The following RBBP8 variants were observed in gnomAD, a reference collection of about 807,000 sequenced individuals.
RBBP8 encodes the protein RB binding protein 8, endonuclease.
In RBBP8, 88 loss-of-function variants were observed where a neutral mutation model predicts 108.3. The observed-to-expected ratio is 0.81, with a 90% confidence interval of 0.68 to 0.97. The LOEUF (loss-of-function observed/expected upper bound fraction) is 0.97, where lower values mean the gene tolerates loss of function less well. RBBP8 is among the 50% of genes least tolerant of loss of function. The pLI, the probability that RBBP8 is intolerant of heterozygous loss-of-function variation, is 0.00. For missense variants in RBBP8, 1,023 were observed against 1,049.0 expected (o/e 0.98, Z 0.34); for synonymous variants, 332 against 348.2 (o/e 0.95, Z 0.52).
rs1910615624 is a variant in RBBP8, at chr18:22,936,840, A to T, written c.-12A>T. 1 of 1,614,074 alleles carries T rather than the reference A, an allele frequency of 6.2e-7. No individual in the cohort carries two copies. The highest frequency in any genetic ancestry group is 1.3e-5 in the African/African-American group (1 of 75,066). ...TATTAAGCAAGTAGAAGTGTGGAGC[A>T]TATTAAGCAAGATGAACATCTCGGG... On this transcript the variant is annotated 5_prime_UTR_variant, in exon 2 of 19. Coordinates refer to ENST00000327155, the MANE Select transcript of RBBP8 (RefSeq NM_002894.3).
chr18:23,005,323 G>A (rs1219372332), intron 15 of RBBP8, among the ~76,000 whole-genome samples: 1 of 152,248 alleles, frequency 6.6e-6, no homozygotes, highest in Non-Finnish European at 1.5e-5. Context: ...TGTTTGAGGT[G>A]ACAGATATGC....
chr18:23,021,873 T>C (rs1414534409), intron 17 of RBBP8, among the ~76,000 whole-genome samples: 1 of 151,914 alleles, frequency 6.6e-6, no homozygotes, highest in East Asian at 1.9e-4. Context: ...ACTTTATTGG[T>C]TTACATTGTG....
At position 23,006,474 on chromosome 18, in the gene RBBP8, A is replaced by G. The variant is rs773387543; in HGVS notation, c.2357+42A>G. 10 of 1,411,228 alleles carry G rather than the reference A, an allele frequency of 7.1e-6. No homozygotes were observed. The South Asian group carries it at 9.2e-5, about 13-fold the overall frequency. 87.4% of individuals were successfully genotyped at this position (1,411,228 alleles called of 1,614,324 possible). ...TTATACCAGCAATGTGACTGGAAGT[A>G]CAATAGAGCTGTCTTTTATTTCTCT... On this transcript the variant is annotated intron_variant, in intron 16 of 18. Coordinates refer to ENST00000327155, the MANE Select transcript of RBBP8 (RefSeq NM_002894.3).
intron 15 of RBBP8, among the ~76,000 whole-genome samples, chr18:23,002,013 G>A (rs941383879): frequency 2.6e-5 from 4 of 152,042 alleles, no homozygotes; most frequent in African/African-American, 7.2e-5. Context: ...GATTAGTTTG[G>A]TATTACAAAT....
intron 4 of RBBP8, among the ~76,000 whole-genome samples, chr18:22,952,560 A>G (rs181768513): frequency 2.6e-5 from 4 of 152,308 alleles, no homozygotes; most frequent in African/African-American, 4.8e-5. Context: ...GACATATACT[A>G]TCTCCTAATT....
intron 2 of RBBP8, among the ~76,000 whole-genome samples, chr18:22,940,302 T>C (rs570389633): frequency 6.8e-6 from 1 of 147,374 alleles, no homozygotes; most frequent in South Asian, 2.1e-4. Flanking sequence ...TACCTTTCTA[T>C]TAGTGTCTTC....
chr18:22,965,357 T>C (rs1010525771), intron 4 of RBBP8, among the ~76,000 whole-genome samples: 5 of 152,148 alleles, frequency 3.3e-5, no homozygotes, highest in African/African-American at 1.2e-4. Context: ...TGTGAGCTTC[T>C]CTGTTAGAAT....
At chr18:23,017,807 C>T (rs532134304) in intron 17 of RBBP8, among the ~76,000 whole-genome samples, 11 of 119,542 alleles carry the variant, frequency 9.2e-5, no homozygotes, top group Non-Finnish European at 1.4e-4. Flanking sequence ...AATGTAGTGG[C>T]GTGATCTTGG....
At chr18:22,975,279 T>C in intron 6 of RBBP8, 60 bp downstream of exon 6, 7 of 1,588,276 alleles carry the variant, frequency 4.4e-6, no homozygotes, top group Non-Finnish European at 5.1e-6. Context: ...ACCATGAAGA[T>C]AACTGTAAGA....
chr18:22,940,563 G>A (rs187648171), intron 2 of RBBP8, among the ~76,000 whole-genome samples: 2,085 of 151,622 alleles, frequency 0.014, 82 homozygotes, highest in African/African-American at 0.049. Context: ...CTCGTGATCC[G>A]CCCGCCTCAG....
At chr18:22,996,657 TTC>T (rs2045864486) in intron 13 of RBBP8, among the ~76,000 whole-genome samples, 195 bp downstream of exon 13, 1 of 152,210 alleles carries the variant, frequency 6.6e-6, no homozygotes, top group Non-Finnish European at 1.5e-5. Context: ...GGGTAATACT[TTC>T]TGACTTTAAA....
chr18:22,993,938 GAA>G (rs1263255793), intron 12 of RBBP8, 91 bp downstream of exon 12: 8 of 1,346,000 alleles, frequency 5.9e-6, no homozygotes, highest in Non-Finnish European at 7.2e-6. Context: ...AATTGTTTTG[GAA>G]AAAAACTTAT....
chr18:22,964,373 G>GTTTTTTTTT (rs71161350), intron 4 of RBBP8, among the ~76,000 whole-genome samples: 3 of 139,500 alleles, frequency 2.2e-5, no homozygotes, highest in Non-Finnish European at 3.1e-5. Flanking sequence ...GGAGACTTAG[G>GTTTTTTTTT]TTTTTTTTTT....
At chr18:23,020,311 C>T (rs918702498) in intron 17 of RBBP8, among the ~76,000 whole-genome samples, 6 of 151,908 alleles carry the variant, frequency 3.9e-5, no homozygotes, top group Non-Finnish European at 8.8e-5. Flanking sequence ...ATCCCAGCTA[C>T]TCTGGAGGCT....
chr18:22,915,467 T>C (rs1254816247), exon 2 of RBBP8: 1 of 152,190 alleles, frequency 6.6e-6, no homozygotes, highest in Non-Finnish European at 1.5e-5. Flanking sequence ...CAGTTCTGCA[T>C]GAATTTCTGG....
intron 18 of RBBP8, among the ~76,000 whole-genome samples, chr18:23,022,908 A>ATTT (rs11437201): frequency 1.3e-5 from 2 of 148,986 alleles, no homozygotes; most frequent in Non-Finnish European, 1.5e-5. Flanking sequence ...CATCAAAATG[A>ATTT]TTTTTTTTTT....
intron 4 of RBBP8, among the ~76,000 whole-genome samples, chr18:22,962,405 A>G (rs1192536338): frequency 6.6e-6 from 1 of 151,968 alleles, no homozygotes; most frequent in East Asian, 1.9e-4. Flanking sequence ...CCCTCTCATC[A>G]TTTACATCTC....
chr18:22,920,746 T>A (rs1909561833), intron 3 of RBBP8: 1 of 152,328 alleles, frequency 6.6e-6, no homozygotes, highest in Admixed American at 6.5e-5. Flanking sequence ...GTGTAGTCCA[T>A]GACCATCTGA....
intron 13 of RBBP8, among the ~76,000 whole-genome samples, chr18:22,996,931 G>A (rs372207015): frequency 1.6e-4 from 24 of 152,236 alleles, no homozygotes; most frequent in Middle Eastern, 3.4e-3. Flanking sequence ...CCAGGAATTC[G>A]AGGCTGCAGT....
Sources: gnomAD v4.1 joint callset for allele counts (sites outside exome capture counted in the v4.1 genomes callset) on GRCh38, gnomAD v4.1.1 for gene constraint, MANE v1.5 for transcripts, NCBI Gene and HGNC (gene_info 2026-07-23, HGNC 2026-07-21) for gene names.